The following KLHL14 variants were observed in gnomAD, a reference collection of about 807,000 sequenced individuals.
KLHL14 encodes kelch-like protein 14.
Under a neutral mutation model 64.3 loss-of-function variants are expected in KLHL14, and 22 were observed. That is an observed-to-expected ratio of 0.34 (90% CI 0.24 to 0.49). The LOEUF is 0.49. Ranked by LOEUF, KLHL14 falls within the 20% of genes least tolerant of loss-of-function variation. The pLI is 0.99. For missense variants in KLHL14, 661 were observed against 789.0 expected (o/e 0.84, Z 1.94); for synonymous variants, 322 against 333.4 (o/e 0.97, Z 0.37).
Position 32,769,925 on chromosome 18 carries a change from C to A in KLHL14, c.667G>T (p.Ala223Ser). ...VLLLNFEEMR[A>S]LLDSLPPPVE... ...GGGGGCGGCAGCGAGTCCAGCAGGG[C>A]GCGCATCTCCTCGAAGTTGAGCAGC... The change falls in exon 2 of 9, where the codon GCC becomes TCC. Residue 223 changes from alanine to serine, a missense_variant. Physicochemically the swap from Ala to Ser is moderately conservative, Grantham distance 99. Transcript: ENST00000359358. The A allele has an allele frequency of 6.2e-7, 1 of 1,614,126 alleles. No individual in the cohort carries two copies. Among genetic ancestry groups the A allele is most frequent in the Non-Finnish European group, 8.5e-7 (1 of 1,180,026 alleles).
At chr18:32,728,322 C>A (rs1433246676) in intron 3 of KLHL14, among the ~76,000 whole-genome samples, 1 of 152,190 alleles carries the variant, frequency 6.6e-6, no homozygotes, top group African/African-American at 2.4e-5. Context: ...CATTTACCAT[C>A]TGTGTGACCT....
intron 4 of KLHL14, among the ~76,000 whole-genome samples, chr18:32,695,090 T>C (rs887698633): frequency 2.0e-5 from 3 of 152,126 alleles, no homozygotes; most frequent in Admixed American, 6.6e-5. Context: ...CGTTATTATA[T>C]TGATAAAATG....
At chr18:32,751,303 A>C (rs1049113474) in intron 2 of KLHL14, among the ~76,000 whole-genome samples, 3 of 152,178 alleles carry the variant, frequency 2.0e-5, no homozygotes, top group Non-Finnish European at 4.4e-5. Context: ...TGTTGTATTT[A>C]GGTGTCTTTA....
intron 5 of KLHL14, among the ~76,000 whole-genome samples, chr18:32,685,809 C>T (rs115362783): frequency 1.4e-3 from 212 of 152,234 alleles, no homozygotes; most frequent in African/African-American, 4.9e-3. Flanking sequence ...AGCATAGATT[C>T]ATGCTGTCTT....
At chr18:32,772,362 G>C (rs2050394668) in intron 1 of KLHL14, 1 of 220,818 alleles carries the variant, frequency 4.5e-6, no homozygotes, top group Non-Finnish European at 9.7e-6. Context: ...TGGCTTGCCT[G>C]AAACATCTTA....
chr18:32,726,647 AT>A (rs1239382796), intron 3 of KLHL14, among the ~76,000 whole-genome samples: 1 of 139,934 alleles, frequency 7.1e-6, no homozygotes, highest in Non-Finnish European at 1.5e-5. Context: ...ATAAATAAAA[AT>A]AAAATAAAAT....
chr18:32,759,439 CA>C (rs1391768081), intron 2 of KLHL14, among the ~76,000 whole-genome samples: 1 of 152,156 alleles, frequency 6.6e-6, no homozygotes, highest in Non-Finnish European at 1.5e-5. Flanking sequence ...TCCAAGCTAT[CA>C]ATCATTGAAT....
At chr18:32,771,418 G>A (rs867495895) in intron 1 of KLHL14, among the ~76,000 whole-genome samples, 3 of 152,134 alleles carry the variant, frequency 2.0e-5, no homozygotes, top group Middle Eastern at 3.2e-3. Context: ...CCGCTTCCCC[G>A]CTTCGCAAAC....
chr18:32,715,708 A>G (rs2050042191), intron 3 of KLHL14, among the ~76,000 whole-genome samples: 2 of 152,196 alleles, frequency 1.3e-5, no homozygotes, highest in Non-Finnish European at 2.9e-5. Context: ...TTGATTAAGT[A>G]GTTTCAACAT....
chr18:32,678,128 C>A (rs2049820312), intron 7 of KLHL14, among the ~76,000 whole-genome samples: 1 of 152,118 alleles, frequency 6.6e-6, no homozygotes, highest in Non-Finnish European at 1.5e-5. Context: ...GTGTCTGGGG[C>A]ACTACCTAGG....
At chr18:32,697,589 AAAAAC>A (rs1457848473) in intron 3 of KLHL14, among the ~76,000 whole-genome samples, 1 of 152,196 alleles carries the variant, frequency 6.6e-6, no homozygotes, top group East Asian at 1.9e-4. Flanking sequence ...TTTTTTTAAA[AAAAAC>A]AGAAGTCCAG....
intron 3 of KLHL14, among the ~76,000 whole-genome samples, chr18:32,737,132 G>A (rs957357381): frequency 1.3e-5 from 2 of 151,980 alleles, no homozygotes; most frequent in Non-Finnish European, 2.9e-5. Context: ...CCTGCAATGA[G>A]AAACACACTA....
chr18:32,680,401 T>C lies in KLHL14; in HGVS notation c.1429+8A>G. On this transcript the variant is annotated splice_region_variant and intron_variant, in intron 6 of 8. Coordinates refer to ENST00000359358, the MANE Select transcript of KLHL14 (RefSeq NM_020805.3). The surrounding 1 kb of genome is among the most constrained non-coding windows in gnomAD (Gnocchi z 4.8). ...AACTTTGTAACAGAAAGTGGAGGAA[T>C]TACTTGCCTGAAATGTATATTTTCC... is the stretch of plus-strand genomic sequence containing the variant. 6.2e-7 allele frequency: 1 copy of C among 1,613,760 alleles called. No homozygotes were observed. The highest frequency in any genetic ancestry group is 1.1e-5 in the South Asian group (1 of 91,062).
intron 2 of KLHL14, among the ~76,000 whole-genome samples, chr18:32,762,911 TAGAG>T (rs1204750900): frequency 6.6e-6 from 1 of 152,154 alleles, no homozygotes; most frequent in African/African-American, 2.4e-5. Flanking sequence ...AATTTTCAGT[TAGAG>T]AGGTCTTATT....
rs938891348 is a variant in KLHL14 at position 32,683,148 on chromosome 18, C to T, written c.1239-2549G>A. On this transcript the variant is annotated intron_variant, in intron 5 of 8. Coordinates refer to ENST00000359358, the MANE Select transcript of KLHL14 (RefSeq NM_020805.3). The surrounding 1 kb of genome is among the most constrained non-coding windows in gnomAD (Gnocchi z 4.2). ...TTCACTTTTTATGATCTGGTTCCTT[C>T]CTCACCGTGACACCTGGTCAGCCTG... is the stretch of plus-strand genomic sequence containing the variant. Among the ~76,000 whole-genome samples the T allele has an allele frequency of 5.9e-5, 9 of 152,082 alleles. No homozygotes were observed. Among genetic ancestry groups the T allele is most frequent in the Non-Finnish European group, 1.3e-4 (9 of 68,030 alleles).
At chr18:32,724,141 A>T (rs2050093835) in intron 3 of KLHL14, among the ~76,000 whole-genome samples, 1 of 152,182 alleles carries the variant, frequency 6.6e-6, no homozygotes, top group Non-Finnish European at 1.5e-5. Context: ...CACTGAACTA[A>T]AGTAGGTCAG....
At chr18:32,705,296 A>G (rs1289502440) in intron 3 of KLHL14, among the ~76,000 whole-genome samples, 1 of 152,248 alleles carries the variant, frequency 6.6e-6, no homozygotes, top group East Asian at 1.9e-4. Context: ...TCCCAACACA[A>G]AGAAATGATA....
chr18:32,692,974 TG>T (rs1233846848), intron 4 of KLHL14, among the ~76,000 whole-genome samples: 2 of 152,328 alleles, frequency 1.3e-5, no homozygotes, highest in African/African-American at 4.8e-5. Flanking sequence ...AAGTCAACTA[TG>T]GTTGACCAGA....
chr18:32,677,351 G>A, intron 7 of KLHL14, 21 bp from the exon 8 acceptor site: 1 of 1,593,574 alleles, frequency 6.3e-7, no homozygotes, highest in African/African-American at 1.3e-5. Flanking sequence ...GAACAAAGTG[G>A]AACAACAAAA....
Sources: gnomAD v4.1 joint callset for allele counts (sites outside exome capture counted in the v4.1 genomes callset) on GRCh38, gnomAD v4.1.1 for gene constraint, Gnocchi (gnomAD v3.1) non-coding constraint, MANE v1.5 for transcripts, NCBI Gene and HGNC (gene_info 2026-07-23, HGNC 2026-07-21) for gene names.